The following NKAIN3 variants were observed in gnomAD, a reference collection of about 807,000 sequenced individuals.
NKAIN3 encodes sodium/potassium-transporting ATPase subunit beta-1-interacting protein 3.
In NKAIN3, 25 loss-of-function variants were observed where a neutral mutation model predicts 30.2. That is an observed-to-expected ratio of 0.83 (90% confidence interval 0.60 to 1.16). NKAIN3 has a LOEUF of 1.16. Ranked by LOEUF, NKAIN3 falls within the 50% of genes most tolerant of loss-of-function variation. The probability of loss-of-function intolerance (pLI) is 0.00; values close to 1 mark genes in which losing one functional copy is unlikely to be tolerated. For synonymous variants in NKAIN3, 91 were observed against 89.6 expected (o/e 1.02, Z -0.09); for missense variants, 225 against 254.1 (o/e 0.89, Z 0.78).
At chr8:62,832,330 T>C (rs1321011039) in intron 4 of NKAIN3, among the ~76,000 whole-genome samples, 1 of 151,254 alleles carries the variant, frequency 6.6e-6, no homozygotes, top group East Asian at 1.9e-4. Context: ...CCACAGACTC[T>C]ATAAAGTTAC....
At chr8:62,898,494 TG>T (rs1821506536) in intron 4 of NKAIN3, among the ~76,000 whole-genome samples, 1 of 152,102 alleles carries the variant, frequency 6.6e-6, no homozygotes, top group South Asian at 2.1e-4. Context: ...CACTTATAAG[TG>T]GGAGCTAAGC....
intron 3 of NKAIN3, among the ~76,000 whole-genome samples, chr8:62,723,199 C>T (rs1342301444): frequency 6.6e-6 from 1 of 151,958 alleles, no homozygotes; most frequent in Non-Finnish European, 1.5e-5. Flanking sequence ...TTAAAAAATC[C>T]TATCACATTA....
At chr8:62,760,560 G>T (rs1029753315) in intron 4 of NKAIN3, among the ~76,000 whole-genome samples, 4 of 150,730 alleles carry the variant, frequency 2.7e-5, no homozygotes, top group Non-Finnish European at 4.4e-5. Context: ...CTCACTCATA[G>T]GTTGGAATTG....
chr8:62,510,484 C>G (rs929928048), intron 1 of NKAIN3, among the ~76,000 whole-genome samples: 5 of 152,094 alleles, frequency 3.3e-5, no homozygotes, highest in African/African-American at 1.2e-4. Flanking sequence ...TGCAGAAGCA[C>G]ATGTCCATCT....
At chr8:62,581,639 C>T (rs1468032372) in intron 2 of NKAIN3, among the ~76,000 whole-genome samples, 1 of 152,202 alleles carries the variant, frequency 6.6e-6, no homozygotes, top group East Asian at 1.9e-4. Context: ...GGGTCCTTAG[C>T]TGGATAAGAT....
chr8:62,401,617 G>C (rs1020049203), intron 1 of NKAIN3, among the ~76,000 whole-genome samples: 1 of 152,098 alleles, frequency 6.6e-6, no homozygotes, highest in African/African-American at 2.4e-5. Context: ...CTAAGTTTTT[G>C]GTTACTGCAG....
intron 1 of NKAIN3, among the ~76,000 whole-genome samples, chr8:62,488,483 C>T (rs1278727559): frequency 6.6e-6 from 1 of 152,096 alleles, no homozygotes; most frequent in African/African-American, 2.4e-5. Flanking sequence ...AAAATCCTTT[C>T]TTTTTCATCT....
intron 3 of NKAIN3, among the ~76,000 whole-genome samples, chr8:62,696,061 A>T (rs1463633566): frequency 2.6e-5 from 4 of 152,186 alleles, no homozygotes; most frequent in Non-Finnish European, 2.9e-5. Flanking sequence ...ATACACAAAC[A>T]TACAATGTTT....
At chr8:62,500,663 G>A (rs1375521453) in intron 1 of NKAIN3, among the ~76,000 whole-genome samples, 1 of 152,128 alleles carries the variant, frequency 6.6e-6, no homozygotes, top group East Asian at 1.9e-4. Context: ...TTGAAACATA[G>A]GCTGTATTTG....
Position 62,967,901 on chromosome 8 carries a change from CAG to C in NKAIN3, c.*2497_*2498del, listed in dbSNP as rs1479340087. ...TTGTACATAGTTCTAGTAGGCACTG[CAG>C]AGTCTGAACTTAGTCTAAGTGCAGA... is the stretch of plus-strand genomic sequence containing the variant. On this transcript the variant is annotated 3_prime_UTR_variant, in exon 7 of 7. Coordinates refer to ENST00000623646, the MANE Select transcript of NKAIN3 (RefSeq NM_001304533.3). 1.3e-5 allele frequency among the ~76,000 whole-genome samples: 2 copies of C among 152,134 alleles called. No individual in the cohort carries two copies. Among genetic ancestry groups the C allele is most frequent in the Non-Finnish European group, 2.9e-5 (2 of 68,008 alleles).
intron 1 of NKAIN3, among the ~76,000 whole-genome samples, chr8:62,489,483 G>C (rs1465141230): frequency 6.6e-6 from 1 of 152,154 alleles, no homozygotes; most frequent in African/African-American, 2.4e-5. Flanking sequence ...AACTCTAAGG[G>C]TCTCTGAAGG....
At chr8:62,850,013 C>T (rs1445371675) in intron 4 of NKAIN3, among the ~76,000 whole-genome samples, 1 of 152,050 alleles carries the variant, frequency 6.6e-6, no homozygotes, top group Non-Finnish European at 1.5e-5. Flanking sequence ...AGTTCTAGAT[C>T]CCTGAGGAAT....
chr8:62,491,297 A>G (rs890694393), intron 1 of NKAIN3, among the ~76,000 whole-genome samples: 1 of 152,210 alleles, frequency 6.6e-6, no homozygotes, highest in African/African-American at 2.4e-5. Context: ...CACTACAAAT[A>G]GATCCTATAG....
At chr8:62,438,682 C>T (rs994960518) in intron 1 of NKAIN3, among the ~76,000 whole-genome samples, 1 of 152,174 alleles carries the variant, frequency 6.6e-6, no homozygotes, top group Non-Finnish European at 1.5e-5. Context: ...CTGCCTCAGC[C>T]TCTCAAGTAG....
intron 1 of NKAIN3, among the ~76,000 whole-genome samples, chr8:62,401,064 T>C (rs1338770922): frequency 7.0e-6 from 1 of 143,378 alleles, no homozygotes; most frequent in Non-Finnish European, 1.5e-5. Flanking sequence ...CCAAGAACTC[T>C]TAGATTTTCC....
intron 1 of NKAIN3, among the ~76,000 whole-genome samples, chr8:62,449,665 A>G (rs1479506000): frequency 6.6e-6 from 1 of 152,116 alleles, no homozygotes; most frequent in East Asian, 1.9e-4. Flanking sequence ...TATAAGTTTA[A>G]GTATTAAAAT....
chr8:62,323,057 G>A (rs1017667003), intron 1 of NKAIN3, among the ~76,000 whole-genome samples: 35 of 152,202 alleles, frequency 2.3e-4, no homozygotes, highest in African/African-American at 8.2e-4. Context: ...TGGGACAGCA[G>A]GAACTCTCAT....
intron 4 of NKAIN3, among the ~76,000 whole-genome samples, chr8:62,768,632 AGCTCT>A (rs1431694879): frequency 6.6e-6 from 1 of 152,178 alleles, no homozygotes; most frequent in African/African-American, 2.4e-5. Context: ...AGGAAATAGC[AGCTCT>A]GAGTTCATTT....
chr8:62,484,069 G>A (rs1272258195), intron 1 of NKAIN3, among the ~76,000 whole-genome samples: 1 of 152,178 alleles, frequency 6.6e-6, no homozygotes, highest in African/African-American at 2.4e-5. Context: ...GTCGGTAGGT[G>A]CTGCCCTCCT....
Sources: allele counts gnomAD v4.1 joint callset (sites outside exome capture counted in the v4.1 genomes callset), GRCh38; gene constraint gnomAD v4.1.1; transcripts MANE v1.5; gene names NCBI Gene and HGNC (gene_info 2026-07-23, HGNC 2026-07-21).